CHD1: variants seen among roughly 807,000 people sequenced by gnomAD.
The protein encoded by CHD1 is chromodomain helicase DNA binding protein 1.
Under a neutral mutation model 224.2 loss-of-function variants are expected in CHD1, and 36 were observed. That is an observed-to-expected ratio of 0.16 (90% confidence interval 0.12 to 0.21). The LOEUF (loss-of-function observed/expected upper bound fraction) is 0.21, where lower values mean the gene tolerates loss of function less well. CHD1 is among the 10% of genes least tolerant of loss of function. CHD1 has a pLI of 1.00. For synonymous variants in CHD1, 668 were observed against 658.3 expected, an observed-to-expected ratio of 1.01 and a Z score of -0.23; for missense variants, 1,378 against 1,994.8, an observed-to-expected ratio of 0.69 and a Z score of 5.89.
At chr5:98,901,743 A>G (rs1251268833) in intron 5 of CHD1, among the ~76,000 whole-genome samples, 2 of 135,262 alleles carry the variant, frequency 1.5e-5, no homozygotes, top group African/African-American at 3.0e-5. Flanking sequence ...AGAAACATAG[A>G]AAAATTAAAA....
At position 98,856,436 on chromosome 5, in the gene CHD1, G is replaced by A. The variant is rs1748031405; in HGVS notation, c.5077C>T (p.His1693Tyr). ...GGTGTACTTTTGTGTTCAACTGAAT[G>A]TTCAAATGGAGATCTGGAGCCATAA... Reference protein sequence around the residue: ...SPYGSRSPFEHSVEHKSTPEH... With the variant: ...SPYGSRSPFEYSVEHKSTPEH... The change falls in exon 36 of 36, where the codon CAT becomes TAT. Residue 1693 changes from histidine (H) to tyrosine (Y), a missense_variant. This residue lies in a region of CHD1 where 278 missense variants were observed against 298.5 expected (regional missense o/e 0.93). Transcript: ENST00000614616. 6.2e-7 allele frequency: 1 copy of A among 1,610,940 alleles called. No homozygotes were observed. The highest frequency in any genetic ancestry group is 1.4e-5 in the African/African-American group (1 of 73,496).
intron 23 of CHD1, 67 bp downstream of exon 23, chr5:98,879,485 A>G (rs957906235): frequency 4.9e-6 from 7 of 1,431,698 alleles, no homozygotes; most frequent in Admixed American, 4.7e-5. Flanking sequence ...CCTCGTAGAA[A>G]CAAACAAAAT....
chr5:98,883,268 A>T (rs1247090833), intron 18 of CHD1, 31 bp from the exon 19 acceptor site: 5 of 1,496,966 alleles, frequency 3.3e-6, no homozygotes, highest in South Asian at 1.3e-5. Context: ...AAAATGAAAA[A>T]TTTTTCAATT....
At chr5:98,915,771 T>C (rs1414512840) in intron 2 of CHD1, among the ~76,000 whole-genome samples, 3 of 152,296 alleles carry the variant, frequency 2.0e-5, no homozygotes, top group Non-Finnish European at 4.4e-5. Context: ...GATTGGGCTA[T>C]GAAATAAAAT....
Position 98,901,056 on chromosome 5 carries a change from ATCT to A in CHD1, c.611_613del (p.Lys204del), listed in dbSNP as rs1751670133. On this transcript the variant is annotated inframe_deletion, in exon 7 of 36. Coordinates refer to ENST00000614616, the MANE Select transcript of CHD1 (RefSeq NM_001270.4). ...AATCTGTCTCTTTTTTTGTCCAAGA[ATCT>A]TCTTTCCATTTTTTGACTTAGATCT... 2.5e-6 allele frequency: 4 copies of A among 1,597,200 alleles called. No individual in the cohort carries two copies. Among genetic ancestry groups the A allele is most frequent in the African/African-American group, 1.4e-5 (1 of 73,846 alleles).
In CHD1 at chr5:98,858,541, A is replaced by G. The variant is rs1313866569; in HGVS notation, c.4577-151T>C. 8 of 630,010 alleles carry G rather than the reference A, an allele frequency of 1.3e-5. No individual in the cohort carries two copies. The South Asian group carries it at 1.4e-4, about 11-fold the overall frequency. 39.0% of individuals were successfully genotyped at this position (630,010 alleles called of 1,614,324 possible). A position where few individuals can be genotyped will look rare whatever the true frequency, so the allele number is the denominator to read the frequency against. ...GTTAAAGCATTTAGAAATGGTGTAT[A>G]AAAGCAGTACTAAGGATTAATTAAA... On this transcript the variant is annotated intron_variant, in intron 34 of 35. Transcript: ENST00000614616.
At chr5:98,880,959 T>C (rs376864322) in intron 22 of CHD1, 117 bp downstream of exon 22, 11 of 704,494 alleles carry the variant, frequency 1.6e-5, no homozygotes, top group East Asian at 5.6e-5. Context: ...GAGTAGTTTT[T>C]ACATAACACA....
chr5:98,895,426 C>T (rs1011991079), intron 12 of CHD1, among the ~76,000 whole-genome samples: 4 of 152,264 alleles, frequency 2.6e-5, no homozygotes, highest in East Asian at 1.9e-4. Context: ...ATTCTTCTGT[C>T]TGTTCTCATG....
At chr5:98,871,969 T>C in intron 28 of CHD1, 82 bp downstream of exon 28, 2 of 1,313,512 alleles carry the variant, frequency 1.5e-6, no homozygotes, top group Non-Finnish European at 2.1e-6. Flanking sequence ...ATTTCCATTA[T>C]TTCCAACATA....
In CHD1 at chr5:98,879,546, A is replaced by T; in HGVS notation, c.3237+6T>A. ...TATAGAAATATCTTTAAAATTGCAA[A>T]ATCACCTGTTTTGCACAATTTCTCA... On this transcript the variant is annotated splice_donor_region_variant and intron_variant, in intron 23 of 35. Coordinates refer to ENST00000614616, the MANE Select transcript of CHD1 (RefSeq NM_001270.4). 6.3e-7 allele frequency: 1 copy of T among 1,579,650 alleles called. No homozygotes were observed. Among genetic ancestry groups the T allele is most frequent in the Non-Finnish European group, 8.5e-7 (1 of 1,171,222 alleles).
intron 23 of CHD1, among the ~76,000 whole-genome samples, chr5:98,878,011 C>T (rs1486993563): frequency 6.6e-6 from 1 of 152,184 alleles, no homozygotes; most frequent in African/African-American, 2.4e-5. Context: ...AGGACTTGAA[C>T]AGTGGCTCAT....
intron 2 of CHD1, among the ~76,000 whole-genome samples, chr5:98,911,146 A>ATCTATATAT (rs1554081078): frequency 5.1e-5 from 2 of 39,132 alleles, no homozygotes; most frequent in East Asian, 1.4e-3. Context: ...AAAAAAAAAA[A>ATCTATATAT]ATATATATAT....
chr5:98,912,010 T>G (rs1260414552), intron 2 of CHD1, among the ~76,000 whole-genome samples: 1 of 152,112 alleles, frequency 6.6e-6, no homozygotes, highest in Non-Finnish European at 1.5e-5. Context: ...AAAAGAATAC[T>G]TTTTTTATTC....
chr5:98,918,636 CGCGT>C (rs1436673218), intron 2 of CHD1, among the ~76,000 whole-genome samples: 1 of 150,896 alleles, frequency 6.6e-6, no homozygotes, highest in East Asian at 2.0e-4. Context: ...GGCATGGTGA[CGCGT>C]GCCTGTAATC....
At chr5:98,911,998 GT>G (rs899691562) in intron 2 of CHD1, among the ~76,000 whole-genome samples, 1 of 151,978 alleles carries the variant, frequency 6.6e-6, no homozygotes, top group African/African-American at 2.4e-5. Flanking sequence ...TAGGCCTTGA[GT>G]AAAAGAATAC....
intron 2 of CHD1, among the ~76,000 whole-genome samples, chr5:98,922,179 TA>T (rs1281302958): frequency 6.6e-6 from 1 of 151,280 alleles, no homozygotes; most frequent in Non-Finnish European, 1.5e-5. Flanking sequence ...ACACACACAC[TA>T]AAAAAAAGTC....
At chr5:98,898,171 G>T in intron 10 of CHD1, 85 bp downstream of exon 10, 1 of 734,002 alleles carries the variant, frequency 1.4e-6, no homozygotes. Context: ...TCTGAAATCA[G>T]GATCCAACTC....
In CHD1 at chr5:98,879,458, A is replaced by G. The variant is rs1750007188; in HGVS notation, c.3237+94T>C. 7 of 1,124,348 alleles carry G rather than the reference A, an allele frequency of 6.2e-6. No individual in the cohort carries two copies. In the South Asian group the frequency reaches 1.2e-4, roughly 20 times the overall value. The allele number at this position is 1,124,348 out of a possible 1,614,324, so 69.6% of individuals were successfully genotyped here. ...CAAATCAAGGCCATTACAAGAAAAG[A>G]AAACTATGGACTGATACCTCGTAGA... On this transcript the variant is annotated intron_variant, in intron 23 of 35. Coordinates refer to ENST00000614616, the MANE Select transcript of CHD1 (RefSeq NM_001270.4).
intron 12 of CHD1, among the ~76,000 whole-genome samples, chr5:98,895,463 G>T (rs973991116): frequency 2.0e-5 from 3 of 152,066 alleles, no homozygotes; most frequent in Non-Finnish European, 2.9e-5. Context: ...CATTAAAAAT[G>T]TAAAATAGGC....
Sources: gnomAD v4.1 joint callset for allele counts (sites outside exome capture counted in the v4.1 genomes callset) on GRCh38, gnomAD v4.1.1 for gene constraint, gnomAD v4.1.1 regional missense constraint, MANE v1.5 for transcripts, NCBI Gene and HGNC (gene_info 2026-07-23, HGNC 2026-07-21) for gene names.